REDIC1: variants seen among roughly 807,000 people sequenced by gnomAD.
The protein encoded by REDIC1 is regulator of DNA class I crossover intermediates 1, also known as HEI10 Interacting Protein 1.
At chr12:39,877,231 A>G in the REDIC1 span, among the ~76,000 whole-genome samples, 6 of 152,222 alleles carry the variant, frequency 3.9e-5, no homozygotes, top group Admixed American at 3.9e-4. Context: ...ATGGACTCAG[A>G]GTTCCACATG....
chr12:39,811,155 A>G, the REDIC1 span, among the ~76,000 whole-genome samples: 1 of 152,032 alleles, frequency 6.6e-6, no homozygotes, highest in Non-Finnish European at 1.5e-5. Context: ...CATTTATTAG[A>G]AGTGCTCTCT....
the REDIC1 span, chr12:39,760,223 C>T: frequency 1.2e-6 from 2 of 1,612,284 alleles, no homozygotes; most frequent in African/African-American, 2.7e-5. Context: ...AGTCCCACAG[C>T]AGCAAATCCA....
chr12:39,871,726 T>C, the REDIC1 span: 10 of 1,440,382 alleles, frequency 6.9e-6, no homozygotes, highest in African/African-American at 1.4e-4. Context: ...GTAAGTATTG[T>C]ATTTTTGAAG....
chr12:39,694,466 A>G, the REDIC1 span, among the ~76,000 whole-genome samples: 10 of 152,264 alleles, frequency 6.6e-5, no homozygotes, highest in South Asian at 4.2e-4. Context: ...GTTTTGAGGC[A>G]TTGAACTCAG....
chr12:39,862,464 C>T, the REDIC1 span, among the ~76,000 whole-genome samples: 1 of 152,162 alleles, frequency 6.6e-6, no homozygotes, highest in Non-Finnish European at 1.5e-5. Flanking sequence ...TAGGCAGAAC[C>T]ATATCACTTT....
At chr12:39,717,382 TAAAGA>T in the REDIC1 span, among the ~76,000 whole-genome samples, 1 of 151,930 alleles carries the variant, frequency 6.6e-6, no homozygotes, top group Non-Finnish European at 1.5e-5. Context: ...TAAAGTAAGC[TAAAGA>T]AAAGAAAACG....
the REDIC1 span, chr12:39,907,509 T>C: frequency 6.6e-6 from 1 of 152,148 alleles, no homozygotes. Flanking sequence ...ATCAAAACCA[T>C]AATGTACCTG....
chr12:39,805,025 A>AGAGAAGCCTGCTGGAGG, the REDIC1 span, among the ~76,000 whole-genome samples: 118,605 of 147,394 alleles, frequency 0.8, 48,103 homozygotes, highest in Non-Finnish European at 0.82. Flanking sequence ...CCTGCTGGAG[A>AGAGAAGCCTGCTGGAGG]GAGAAGCCTG....
At chr12:39,710,457 A>T in the REDIC1 span, among the ~76,000 whole-genome samples, 1 of 150,202 alleles carries the variant, frequency 6.7e-6, no homozygotes, top group Non-Finnish European at 1.5e-5. Context: ...TATTCAGTTA[A>T]TCGTCTAACT....
chr12:39,653,515 CTTCTTCTTCTTCTTCTTCTTCTTT>C, the REDIC1 span, among the ~76,000 whole-genome samples: 902 of 55,002 alleles, frequency 0.016, 31 homozygotes, highest in African/African-American at 0.046. Flanking sequence ...TCTTCTTCTT[CTTCTTCTTCTTCTTCTTCTTCTTT>C]TTCTTCTTCT....
the REDIC1 span, among the ~76,000 whole-genome samples, chr12:39,858,418 A>G: frequency 6.6e-6 from 1 of 152,152 alleles, no homozygotes; most frequent in Non-Finnish European, 1.5e-5. Flanking sequence ...AAAAAAATTG[A>G]AACAGATTCA....
At chr12:39,793,720 C>T in the REDIC1 span, among the ~76,000 whole-genome samples, 1 of 152,134 alleles carries the variant, frequency 6.6e-6, no homozygotes, top group Non-Finnish European at 1.5e-5. Context: ...TGGCTCTGAA[C>T]AATTCTCCAG....
chr12:39,902,294 A>T, the REDIC1 span, among the ~76,000 whole-genome samples: 5 of 151,990 alleles, frequency 3.3e-5, no homozygotes, highest in South Asian at 1.0e-3. Context: ...TACATATGTA[A>T]CTAACCTGCA....
At chr12:39,850,774 A>C in the REDIC1 span, among the ~76,000 whole-genome samples, 1 of 152,232 alleles carries the variant, frequency 6.6e-6, no homozygotes, top group Non-Finnish European at 1.5e-5. Context: ...AACTATATTC[A>C]ATTTCAAATG....
chr12:39,883,981 C>A, the REDIC1 span, among the ~76,000 whole-genome samples: 1 of 152,078 alleles, frequency 6.6e-6, no homozygotes, highest in Non-Finnish European at 1.5e-5. Flanking sequence ...GATTTTGATG[C>A]CTTTTCTTCT....
At chr12:39,794,261 A>G in the REDIC1 span, among the ~76,000 whole-genome samples, 1 of 151,234 alleles carries the variant, frequency 6.6e-6, no homozygotes, top group Non-Finnish European at 1.5e-5. Flanking sequence ...AAACCCCCTT[A>G]TTCTTGATAT....
At chr12:39,803,729 T>A in the REDIC1 span, among the ~76,000 whole-genome samples, 6 of 152,208 alleles carry the variant, frequency 3.9e-5, no homozygotes, top group Admixed American at 6.5e-5. Flanking sequence ...AAAGAGCTTA[T>A]GAGACAGGGA....
the REDIC1 span, among the ~76,000 whole-genome samples, chr12:39,703,897 C>T: frequency 6.6e-6 from 1 of 152,160 alleles, no homozygotes; most frequent in Non-Finnish European, 1.5e-5. Flanking sequence ...AACTGGATCC[C>T]TTCCTTACAC....
chr12:39,821,140 G>A, the REDIC1 span, among the ~76,000 whole-genome samples: 1 of 151,740 alleles, frequency 6.6e-6, no homozygotes, highest in South Asian at 2.1e-4. Context: ...AAAATTTTTC[G>A]CAGTGGCTCA....
Sources: allele counts gnomAD v4.1 joint callset (sites outside exome capture counted in the v4.1 genomes callset), GRCh38; gene constraint gnomAD v4.1.1; transcripts MANE v1.5; gene names NCBI Gene and HGNC (gene_info 2026-07-23, HGNC 2026-07-21).